USP35: variants seen among roughly 807,000 people sequenced by gnomAD.
USP35 encodes ubiquitin carboxyl-terminal hydrolase 35.
In USP35, 69 loss-of-function variants were observed where a neutral mutation model predicts 83.8. That is an observed-to-expected ratio of 0.82 (90% confidence interval 0.68 to 1.01). The LOEUF is 1.01. Among genes scored for constraint, USP35 ranks in the 50% least tolerant of loss-of-function variants. The pLI is 0.00. For missense variants in USP35, 1,503 were observed against 1,362.5 expected (o/e 1.10, Z -1.62); for synonymous variants, 714 against 589.5 (o/e 1.21, Z -3.06).
intron 7 of USP35, 26 bp downstream of exon 7, chr11:78,206,061 T>C (rs1354771896): frequency 4.4e-6 from 7 of 1,597,560 alleles, no homozygotes; most frequent in Non-Finnish European, 6.0e-6. Context: ...GAATTCCCTG[T>C]CTGCCCTTGC....
intron 3 of USP35, 139 bp downstream of exon 3, chr11:78,198,207 T>C: frequency 7.3e-7 from 1 of 1,360,678 alleles, no homozygotes; most frequent in Non-Finnish European, 1.0e-6. Flanking sequence ...CCATCATCTA[T>C]CCTTTCTTGA....
intron 6 of USP35, among the ~76,000 whole-genome samples, chr11:78,205,298 C>T (rs1173852073): frequency 6.6e-6 from 1 of 152,226 alleles, no homozygotes; most frequent in Admixed American, 6.5e-5. Context: ...AAAAGGTGGA[C>T]ATGGGCACAT....
chr11:78,210,501 T>C lies in USP35; in HGVS notation c.2646T>C (p.Asp882=). The C allele has an allele frequency of 2.5e-6, 4 of 1,614,152 alleles. No homozygotes were observed. Among genetic ancestry groups the C allele is most frequent in the Non-Finnish European group, 3.4e-6 (4 of 1,179,952 alleles). ...CTGCCGCTTCTCTGGGAACTGCCGA[T>C]AGGCCAGAGCCCGAGAACCAGTGGT... ...ARPAASLGTA[D]RPEPENQWYL... Residue 882 remains aspartate (D), a synonymous_variant, in exon 10 of 11, where the codon GAT becomes GAC. Coordinates refer to ENST00000529308, the MANE Select transcript of USP35 (RefSeq NM_020798.4).
the USP35 span, chr11:78,223,685 AG>A: frequency 6.3e-7 from 1 of 1,577,234 alleles, no homozygotes; most frequent in East Asian, 2.3e-5. Context: ...GGCTAGGGAG[AG>A]GAACAGTGAA....
At chr11:78,210,867 A>T in intron 10 of USP35, 123 bp downstream of exon 10, 1 of 1,068,256 alleles carries the variant, frequency 9.4e-7, no homozygotes, top group Non-Finnish European at 1.3e-6. Context: ...TCTGTTGCTC[A>T]GTGCTGGGTA....
rs1864032311 is a variant in USP35 at position 78,214,808 on chromosome 11, T to TCA, written c.*995_*996insCA. 6.6e-6 allele frequency: 1 copy of TCA among 151,174 alleles called. No individual in the cohort carries two copies. Among genetic ancestry groups the TCA allele is most frequent in the South Asian group, 2.1e-4 (1 of 4,762 alleles). 9.4% of individuals were successfully genotyped at this position (151,174 alleles called of 1,614,324 possible). A position where few individuals can be genotyped will look rare whatever the true frequency, so the allele number is the denominator to read the frequency against. Reference sequence around the variant, plus strand: ...ACTCAGCCTGCCCCCCAGTGACGTGTGAGATGCCACAGGGAGCCAAGAGCC... The same window carrying TCA: ...ACTCAGCCTGCCCCCCAGTGACGTGTCAGAGATGCCACAGGGAGCCAAGAGCC... On this transcript the variant is annotated 3_prime_UTR_variant, in exon 11 of 11. Coordinates refer to ENST00000529308, the MANE Select transcript of USP35 (RefSeq NM_020798.4).
chr11:78,195,244 C>T lies in USP35; in HGVS notation c.-10-992C>T, dbSNP rs543182240. On this transcript the variant is annotated intron_variant, in intron 1 of 10. Transcript: ENST00000529308. ...GGAATTAAGGGTGGGGGATGGATTC[C>T]GGCCTGGAGGACCAGGGCTATTCTC... Among the ~76,000 whole-genome samples the T allele has an allele frequency of 2.8e-3, 421 of 152,284 alleles. 1 individual carries two copies. The highest frequency in any genetic ancestry group is 4.9e-3 in the Non-Finnish European group (333 of 68,024).
the USP35 span, chr11:78,226,964 G>C: frequency 6.2e-7 from 1 of 1,613,592 alleles, no homozygotes; most frequent in Non-Finnish European, 8.5e-7. Context: ...CGTTGACACA[G>C]TGTCCATTGC....
chr11:78,209,719 A>G lies in USP35; in HGVS notation c.1864A>G (p.Thr622Ala). 2 of 1,613,952 alleles carry G rather than the reference A, an allele frequency of 1.2e-6. No homozygotes were observed. Among genetic ancestry groups the G allele is most frequent in the Non-Finnish European group, 8.5e-7 (1 of 1,179,978 alleles). ...TGTGATGCGCCCCACAGAAGACATC[A>G]CAGCCCGGGAGTTGCCCCCACCAAC... ...GSVMRPTEDI[T>A]ARELPPPTSA... The change falls in exon 10 of 11, where the codon ACA becomes GCA. Residue 622 changes from threonine (T) to alanine (A), a missense_variant. Coordinates refer to ENST00000529308, the MANE Select transcript of USP35 (RefSeq NM_020798.4).
At chr11:78,219,201 G>T, downstream of USP35, 2 of 1,406,580 alleles carry the variant, frequency 1.4e-6, no homozygotes, top group Non-Finnish European at 9.9e-7. Flanking sequence ...AAGAACGGGA[G>T]AGGGGAGAGG....
chr11:78,190,213 C>T (rs1862959583), intron 1 of USP35, among the ~76,000 whole-genome samples: 1 of 152,146 alleles, frequency 6.6e-6, no homozygotes, highest in African/African-American at 2.4e-5. Flanking sequence ...GAGCTTTTGA[C>T]CTGAAGGCTA....
At chr11:78,206,142 G>C (rs557798858) in intron 7 of USP35, 107 bp downstream of exon 7, 1 of 1,338,384 alleles carries the variant, frequency 7.5e-7, no homozygotes, top group Non-Finnish European at 1.0e-6. Context: ...GGTGGGCCTT[G>C]CTTTGCATTG....
At chr11:78,218,073 C>G (rs759776263), downstream of USP35, 14 of 153,480 alleles carry the variant, frequency 9.1e-5, no homozygotes, top group African/African-American at 3.4e-4. Context: ...CCCCCCAACT[C>G]CCAGGCCCTT....
intron 10 of USP35, among the ~76,000 whole-genome samples, chr11:78,213,114 CCTT>C (rs1290340668): frequency 2.0e-5 from 3 of 152,214 alleles, no homozygotes; most frequent in Admixed American, 6.5e-5. Context: ...AACATCAACT[CCTT>C]CTTCCCCAAG....
chr11:78,196,716 C>A lies in USP35; in HGVS notation c.471C>A (p.Asp157Glu). The A allele has an allele frequency of 6.5e-7, 1 of 1,529,808 alleles. No homozygotes were observed. Among genetic ancestry groups the A allele is most frequent in the South Asian group, 1.2e-5 (1 of 83,408 alleles). 94.8% of individuals were successfully genotyped at this position (1,529,808 alleles called of 1,614,324 possible). A position where few individuals can be genotyped will look rare whatever the true frequency, so the allele number is the denominator to read the frequency against. The part of the protein sequence containing the change: ...LLARHPRCVP[D>E]GPHRLLFCQQ... ...CTCGCCACCCGCGCTGTGTGCCCGA[C>A]GGACCCCACCGCCTGCTCTTCTGCC... Residue 157 changes from aspartate (D) to glutamate (E), a missense_variant, in exon 2 of 11, where the codon GAC becomes GAA. By Grantham distance (45) the Asp-to-Glu change is conservative (BLOSUM62 2). Coordinates refer to ENST00000529308, the MANE Select transcript of USP35 (RefSeq NM_020798.4). This position sits in a 1 kb window ranked among gnomAD's most constrained non-coding sequence, Gnocchi z 4.8.
intron 5 of USP35, 24 bp from the exon 6 acceptor site, chr11:78,200,626 C>G: frequency 1.3e-6 from 2 of 1,590,516 alleles, no homozygotes; most frequent in Non-Finnish European, 1.7e-6. Flanking sequence ...TGGTGCTGAG[C>G]CTGACGCAGC....
intron 1 of USP35, among the ~76,000 whole-genome samples, chr11:78,193,182 TA>T (rs1201442653): frequency 3.9e-5 from 6 of 152,096 alleles, no homozygotes; most frequent in Admixed American, 1.3e-4. Flanking sequence ...AAGGGAGAGT[TA>T]AAAAAATTTT....
chr11:78,226,817 G>A, the USP35 span: 103 of 1,613,956 alleles, frequency 6.4e-5, no homozygotes, highest in Non-Finnish European at 7.8e-5. Flanking sequence ...TATCTGTCTC[G>A]GAGCCTGTGA....
At chr11:78,204,743 C>G (rs1175301595) in intron 6 of USP35, among the ~76,000 whole-genome samples, 1 of 152,180 alleles carries the variant, frequency 6.6e-6, no homozygotes, top group Non-Finnish European at 1.5e-5. Context: ...TATCTGTCTT[C>G]CCGCTGGCAT....
Sources: gnomAD v4.1 joint callset for allele counts (sites outside exome capture counted in the v4.1 genomes callset) on GRCh38, gnomAD v4.1.1 for gene constraint, Gnocchi (gnomAD v3.1) non-coding constraint, MANE v1.5 for transcripts, NCBI Gene and HGNC (gene_info 2026-07-23, HGNC 2026-07-21) for gene names.